The following NOS1AP variants were observed in gnomAD, a reference collection of about 807,000 sequenced individuals.
NOS1AP encodes carboxyl-terminal PDZ ligand of neuronal nitric oxide synthase protein.
NOS1AP carries 21 observed loss-of-function variants against 56.2 expected under a neutral mutation model. That is an observed-to-expected ratio of 0.37 (90% CI 0.26 to 0.54). The LOEUF (loss-of-function observed/expected upper bound fraction) is 0.54, where lower values mean the gene tolerates loss of function less well. Among genes scored for constraint, NOS1AP ranks in the 20% least tolerant of loss-of-function variants. The probability of loss-of-function intolerance (pLI) is 0.84; values close to 1 mark genes in which losing one functional copy is unlikely to be tolerated. For missense variants in NOS1AP, 522 were observed against 657.8 expected (o/e 0.79, Z 2.26); for synonymous variants, 270 against 274.6 (o/e 0.98, Z 0.17).
chr1:162,364,992 C>G, intron 8 of NOS1AP: 1 of 1,056,824 alleles, frequency 9.5e-7, no homozygotes, highest in Non-Finnish European at 1.1e-6. Context: ...GTGCCCCCTT[C>G]CACCTCCAAC....
chr1:162,267,859 G>A (rs1438549486), intron 2 of NOS1AP, among the ~76,000 whole-genome samples: 1 of 152,196 alleles, frequency 6.6e-6, no homozygotes, highest in Non-Finnish European at 1.5e-5. Context: ...TCTGCAGAAG[G>A]GGCTATTGAT....
At chr1:162,182,675 A>G (rs1400054679) in intron 2 of NOS1AP, among the ~76,000 whole-genome samples, 2 of 152,222 alleles carry the variant, frequency 1.3e-5, no homozygotes, top group East Asian at 1.9e-4. Flanking sequence ...AACAATGTTC[A>G]TAGCGGGTCT....
At chr1:162,228,192 T>A (rs974407976) in intron 2 of NOS1AP, among the ~76,000 whole-genome samples, 4 of 152,200 alleles carry the variant, frequency 2.6e-5, no homozygotes, top group African/African-American at 9.6e-5. Flanking sequence ...AGAGGTTAGA[T>A]TGAGAAGCTC....
intron 5 of NOS1AP, among the ~76,000 whole-genome samples, chr1:162,338,251 G>C (rs1469176440): frequency 6.6e-6 from 1 of 152,136 alleles, no homozygotes; most frequent in Non-Finnish European, 1.5e-5. Context: ...TGGGGGAGAG[G>C]GGGAGTGGAG....
At chr1:162,268,827 G>A (rs1272609318) in intron 2 of NOS1AP, among the ~76,000 whole-genome samples, 1 of 151,924 alleles carries the variant, frequency 6.6e-6, no homozygotes, top group East Asian at 1.9e-4. Context: ...CAAAAAATTA[G>A]AATAGAAATA....
intron 2 of NOS1AP, among the ~76,000 whole-genome samples, chr1:162,190,670 GT>G (rs1651596559): frequency 6.6e-6 from 1 of 152,074 alleles, no homozygotes; most frequent in South Asian, 2.1e-4. Flanking sequence ...GTTAACTATA[GT>G]TATCCGGCAG....
intron 1 of NOS1AP, among the ~76,000 whole-genome samples, chr1:162,142,293 T>C (rs1200058451): frequency 1.3e-5 from 2 of 152,230 alleles, no homozygotes; most frequent in African/African-American, 4.8e-5. Context: ...CTTATCTCGT[T>C]CCTGATCTTA....
At chr1:162,323,511 GATAATAACTGTATCCACTTC>G (rs1656482424) in intron 4 of NOS1AP, among the ~76,000 whole-genome samples, 1 of 152,206 alleles carries the variant, frequency 6.6e-6, no homozygotes, top group African/African-American at 2.4e-5. Context: ...GTAAAATGGA[GATAATAACTGTATCCACTTC>G]ATACAGTTGT....
chr1:162,117,066 C>T (rs1170179418), intron 1 of NOS1AP, among the ~76,000 whole-genome samples: 1 of 152,128 alleles, frequency 6.6e-6, no homozygotes, highest in African/African-American at 2.4e-5. Flanking sequence ...TATGTATACC[C>T]TAGCACTAGG....
intron 3 of NOS1AP, among the ~76,000 whole-genome samples, chr1:162,297,054 G>C (rs753845685): frequency 4.6e-5 from 7 of 152,198 alleles, no homozygotes; most frequent in Admixed American, 6.5e-5. Flanking sequence ...GGTCAGTCAG[G>C]TGGGGATCCC....
Position 162,146,007 on chromosome 1 carries a change from A to T in NOS1AP, c.106-8398A>T, listed in dbSNP as rs2102082126. On this transcript the variant is annotated intron_variant, in intron 1 of 9. Transcript: ENST00000361897. ...GGGCCTCACTGTCCTCTGTAAAAGA[A>T]GGGAGTTACCCCTGAAACTCACATG... Among the ~76,000 whole-genome samples, 3 of 152,292 alleles carry T rather than the reference A, an allele frequency of 2.0e-5. 1 individual carries two copies. In the South Asian group the frequency reaches 6.2e-4, roughly 32 times the overall value.
chr1:162,312,611 G>C (rs1158905566), intron 4 of NOS1AP, among the ~76,000 whole-genome samples: 1 of 147,238 alleles, frequency 6.8e-6, no homozygotes, highest in Admixed American at 6.8e-5. Context: ...GTCAATTTTG[G>C]CTTTTGTTGC....
intron 2 of NOS1AP, among the ~76,000 whole-genome samples, chr1:162,226,641 A>G (rs181972028): frequency 5.1e-4 from 78 of 152,316 alleles, no homozygotes; most frequent in African/African-American, 1.8e-3. Flanking sequence ...TGGATGTTCT[A>G]TTGAAGCCTT....
intron 2 of NOS1AP, among the ~76,000 whole-genome samples, chr1:162,235,957 A>G (rs1653276266): frequency 6.6e-6 from 1 of 152,250 alleles, no homozygotes; most frequent in Non-Finnish European, 1.5e-5. Flanking sequence ...TGGAGATGAG[A>G]AACTGAGGCC....
At chr1:162,085,870 A>C (rs117778600) in intron 1 of NOS1AP, among the ~76,000 whole-genome samples, 2 of 152,162 alleles carry the variant, frequency 1.3e-5, no homozygotes, top group East Asian at 3.9e-4. Flanking sequence ...GTGTTTTATA[A>C]ACTTTCTGAT....
intron 8 of NOS1AP, among the ~76,000 whole-genome samples, chr1:162,357,417 G>C (rs1022503892): frequency 6.6e-6 from 1 of 152,098 alleles, no homozygotes; most frequent in African/African-American, 2.4e-5. Context: ...ACTGACCAAG[G>C]GAAAAGATGC....
intron 2 of NOS1AP, among the ~76,000 whole-genome samples, chr1:162,160,317 AAGCCCTCCTCTCCCTGT>A (rs1276615930): frequency 1.3e-5 from 2 of 152,314 alleles, no homozygotes; most frequent in South Asian, 4.1e-4. Context: ...GAAAATGGCC[AAGCCCTCCTCTCCCTGT>A]AGCCCTCTTC....
chr1:162,365,431 G>T lies in NOS1AP; in HGVS notation c.967G>T (p.Ala323Ser). 6.2e-7 allele frequency: 1 copy of T among 1,614,068 alleles called. No individual in the cohort carries two copies. Residue 323 changes from alanine to serine, a missense_variant, in exon 9 of 10, where the codon GCT becomes TCT. Physicochemically the swap from Ala to Ser is moderately conservative, Grantham distance 99. Around this residue, in one of 4 missense-constraint regions of NOS1AP, gnomAD observed 52 missense variants for 94.5 expected, o/e 0.55. Transcript: ENST00000361897. The stretch of plus-strand genomic sequence containing the variant: ...ACACTTGCTGAAGGACCAGTTGGCT[G>T]CTGAGGCTGCGGCGCGGCTGGAGGC... ...QVHLLKDQLAAEAAARLEAQA... is the reference protein window; with the variant it reads ...QVHLLKDQLASEAAARLEAQA...
chr1:162,217,223 C>T (rs1372520781), intron 2 of NOS1AP, among the ~76,000 whole-genome samples: 3 of 147,196 alleles, frequency 2.0e-5, no homozygotes, highest in Non-Finnish European at 4.5e-5. Context: ...CTTTTCACTA[C>T]ACCATACCTC....
Sources: gnomAD v4.1 joint callset for allele counts (sites outside exome capture counted in the v4.1 genomes callset) on GRCh38, gnomAD v4.1.1 for gene constraint, gnomAD v4.1.1 regional missense constraint, MANE v1.5 for transcripts, NCBI Gene and HGNC (gene_info 2026-07-23, HGNC 2026-07-21) for gene names.